The following TBC1D23 variants were observed in gnomAD, a reference collection of about 807,000 sequenced individuals.
TBC1D23 encodes HCV non-structural protein 4A-transactivated protein 1.
TBC1D23 carries 55 observed loss-of-function variants against 91.4 expected under a neutral mutation model. The observed-to-expected ratio is 0.60, with a 90% CI of 0.48 to 0.75. TBC1D23 has a LOEUF of 0.75. Among genes scored for constraint, TBC1D23 ranks in the 30% least tolerant of loss-of-function variants. TBC1D23 has a pLI of 0.00. For synonymous variants in TBC1D23, 289 were observed against 281.0 expected (o/e 1.03, Z -0.28); for missense variants, 725 against 836.1 (o/e 0.87, Z 1.64).
At chr3:100,289,269 G>A (rs2067769682) in intron 4 of TBC1D23, among the ~76,000 whole-genome samples, 2 of 152,044 alleles carry the variant, frequency 1.3e-5, no homozygotes, top group Admixed American at 1.3e-4. Context: ...CCTATATCCA[G>A]TAAGATCCAC....
At chr3:100,314,357 G>A (rs913613028) in intron 15 of TBC1D23, among the ~76,000 whole-genome samples, 6 of 151,850 alleles carry the variant, frequency 4.0e-5, no homozygotes, top group South Asian at 2.1e-4. Flanking sequence ...CGGATCTTTC[G>A]GCCTCCCAAA....
chr3:100,302,051 TA>T lies in TBC1D23; in HGVS notation c.1093-9del, dbSNP rs756262935. 31 of 1,574,450 alleles carry T rather than the reference TA, an allele frequency of 2.0e-5. No homozygotes were observed. The highest frequency in any genetic ancestry group is 2.8e-5 in the African/African-American group (2 of 72,456). ...CACAGGCTTGTCAAGTTTTTAACTT[TA>T]AAAAAATTGTCTAGATGCTTCAGAA... On this transcript the variant is annotated splice_polypyrimidine_tract_variant and intron_variant, in intron 10 of 18. Coordinates refer to ENST00000394144, the MANE Select transcript of TBC1D23 (RefSeq NM_001199198.3).
At position 100,290,583 on chromosome 3, in the gene TBC1D23, G is replaced by C; in HGVS notation, c.482G>C (p.Cys161Ser). The C allele has an allele frequency of 6.2e-7, 1 of 1,613,492 alleles. No homozygotes were observed. Among genetic ancestry groups the C allele is most frequent in the Non-Finnish European group, 8.5e-7 (1 of 1,179,750 alleles). The change falls in exon 5 of 19, where the codon TGT (cysteine) becomes TCT (serine). Residue 161 changes from cysteine to serine, a missense_variant. Physicochemically the swap from Cys to Ser is moderately radical, Grantham distance 112. Coordinates refer to ENST00000394144, the MANE Select transcript of TBC1D23 (RefSeq NM_001199198.3). ...TTGCTTCTCTTGTCTTCTAGGGATTGTTCCCAGAAAGGGAGACCATTTCAT... is the reference window on the plus strand; with the variant it reads ...TTGCTTCTCTTGTCTTCTAGGGATTCTTCCCAGAAAGGGAGACCATTTCAT... ...AIMNKYIPRD[C>S]SQKGRPFHLF...
At chr3:100,314,586 CA>C (rs1705699383) in intron 15 of TBC1D23, among the ~76,000 whole-genome samples, 1 of 152,006 alleles carries the variant, frequency 6.6e-6, no homozygotes, top group Non-Finnish European at 1.5e-5. Context: ...TGCAGCATAG[CA>C]AGATCCTGTC....
chr3:100,297,806 A>C, intron 8 of TBC1D23, 117 bp from the exon 9 acceptor site: 1 of 844,078 alleles, frequency 1.2e-6, no homozygotes, highest in Non-Finnish European at 1.7e-6. Flanking sequence ...TAAGTTTTAA[A>C]AAATCACAAC....
intron 11 of TBC1D23, 133 bp downstream of exon 11, chr3:100,302,370 A>G: frequency 1.6e-6 from 1 of 634,200 alleles, no homozygotes; most frequent in East Asian, 3.3e-5. Context: ...GGTCTTCTCC[A>G]GATTTTTCTC....
intron 1 of TBC1D23, among the ~76,000 whole-genome samples, chr3:100,274,853 T>C (rs2067633608): frequency 6.7e-6 from 1 of 148,998 alleles, no homozygotes; most frequent in Admixed American, 6.7e-5. Flanking sequence ...AAATATATAA[T>C]ATTTGTTTAT....
At chr3:100,267,164 T>C (rs1474967578) in intron 1 of TBC1D23, 2 of 403,410 alleles carry the variant, frequency 5.0e-6, no homozygotes, top group Non-Finnish European at 9.7e-6. Context: ...TTACAGGCTC[T>C]AACAGAAAAT....
chr3:100,305,478 A>G (rs1176600791), intron 12 of TBC1D23, among the ~76,000 whole-genome samples: 2 of 152,182 alleles, frequency 1.3e-5, no homozygotes, highest in Non-Finnish European at 2.9e-5. Context: ...CCTGTCTTAC[A>G]TTAGAAAAAG....
At chr3:100,267,607 C>G (rs1421610122) in intron 1 of TBC1D23, among the ~76,000 whole-genome samples, 1 of 152,078 alleles carries the variant, frequency 6.6e-6, no homozygotes, top group African/African-American at 2.4e-5. Context: ...TTGAATATCT[C>G]TTTGGAATAC....
At position 100,281,768 on chromosome 3, in the gene TBC1D23, T is replaced by A; in HGVS notation, c.192T>A (p.Gly64=). 6.2e-7 allele frequency: 1 copy of A among 1,612,488 alleles called. No homozygotes were observed. Among genetic ancestry groups the A allele is most frequent in the Non-Finnish European group, 8.5e-7 (1 of 1,178,934 alleles). The change falls in exon 3 of 19, where the codon GGT becomes GGA. Residue 64 remains glycine (G), a synonymous_variant. Coordinates refer to ENST00000394144, the MANE Select transcript of TBC1D23 (RefSeq NM_001199198.3). ...TTGCTCTGAATGTTGCAGGAAAAGGTGATAGTTTGGCATCATGGGATGGTA... is the reference window on the plus strand; with the variant it reads ...TTGCTCTGAATGTTGCAGGAAAAGGAGATAGTTTGGCATCATGGGATGGTA... The part of the protein sequence containing the change: ...WKIALNVAGK[G]DSLASWDGIL...
At chr3:100,261,714 G>C (rs1200246520) in intron 1 of TBC1D23, among the ~76,000 whole-genome samples, 1 of 152,152 alleles carries the variant, frequency 6.6e-6, no homozygotes, top group African/African-American at 2.4e-5. Flanking sequence ...CCAAGCTGTT[G>C]CATGCTTACC....
At chr3:100,308,635 GTTTC>G (rs1166152451) in intron 13 of TBC1D23, among the ~76,000 whole-genome samples, 4 of 152,112 alleles carry the variant, frequency 2.6e-5, no homozygotes, top group African/African-American at 7.2e-5. Context: ...TAGTGAATGT[GTTTC>G]TTTATTTTAA....
intron 11 of TBC1D23, among the ~76,000 whole-genome samples, chr3:100,303,389 T>G (rs1223389798): frequency 6.6e-6 from 1 of 152,180 alleles, no homozygotes; most frequent in Non-Finnish European, 1.5e-5. Context: ...ATTTTAAATT[T>G]TATTAAAGGA....
At position 100,297,921 on chromosome 3, in the gene TBC1D23, A is replaced by G; in HGVS notation, c.877-2A>G. On this transcript the variant is annotated splice_acceptor_variant, in intron 8 of 18. Transcript: ENST00000394144. LOFTEE classifies it high-confidence loss of function. ...AATGTTTAAAAATTTCCCTTCAAAC[A>G]GGATAATCACCATCTCTTTGGTAGT... The G allele has an allele frequency of 6.3e-7, 1 of 1,588,226 alleles. No individual in the cohort carries two copies. Among genetic ancestry groups the G allele is most frequent in the Non-Finnish European group, 8.6e-7 (1 of 1,167,502 alleles).
chr3:100,290,481 A>G, intron 4 of TBC1D23, 97 bp from the exon 5 acceptor site: 1 of 1,051,688 alleles, frequency 9.5e-7, no homozygotes, highest in Non-Finnish European at 1.4e-6. Context: ...GTAGGCTTCC[A>G]GTGAATGCTG....
At chr3:100,282,433 A>T (rs1357852577) in intron 3 of TBC1D23, among the ~76,000 whole-genome samples, 2 of 152,238 alleles carry the variant, frequency 1.3e-5, no homozygotes, top group Non-Finnish European at 2.9e-5. Context: ...AAAGATCTAT[A>T]TGATTGTATG....
chr3:100,272,678 T>C (rs1329636689), intron 1 of TBC1D23, among the ~76,000 whole-genome samples: 1 of 152,128 alleles, frequency 6.6e-6, no homozygotes, highest in African/African-American at 2.4e-5. Context: ...TTGATCATTT[T>C]TGGGTGTTTC....
At chr3:100,318,775 C>T (rs985544174) in intron 16 of TBC1D23, among the ~76,000 whole-genome samples, 29 of 151,754 alleles carry the variant, frequency 1.9e-4, no homozygotes, top group Non-Finnish European at 3.7e-4. Flanking sequence ...CTCAGCCTCC[C>T]GAGTATTTGA....
Sources: allele counts gnomAD v4.1 joint callset (sites outside exome capture counted in the v4.1 genomes callset), GRCh38; gene constraint gnomAD v4.1.1; transcripts MANE v1.5; gene names NCBI Gene and HGNC (gene_info 2026-07-23, HGNC 2026-07-21).